The following SLC24A3 variants were observed in gnomAD, a reference collection of about 807,000 sequenced individuals.
SLC24A3 encodes sodium/potassium/calcium exchanger 3.
Under a neutral mutation model 75.8 loss-of-function variants are expected in SLC24A3, and 28 were observed. That is an observed-to-expected ratio of 0.37 (90% confidence interval 0.27 to 0.51). SLC24A3 has a LOEUF of 0.51. SLC24A3 is among the 20% of genes least tolerant of loss of function. The pLI is 0.94. For missense variants in SLC24A3, 663 were observed against 847.8 expected (o/e 0.78, Z 2.71); for synonymous variants, 372 against 334.1 (o/e 1.11, Z -1.24).
At position 19,212,899 on chromosome 20, in the gene SLC24A3, G is replaced by T. The variant is rs748428539; in HGVS notation, c.57G>T (p.Arg19=). The change falls in exon 1 of 17, where the codon CGG becomes CGT. Residue 19 remains arginine (R), a synonymous_variant. Transcript: ENST00000328041. ...RARRRRRRRR[R]RDLLLSQLCF... Reference sequence around the variant, plus strand: ...GTCGCCGCCGCCGCCGCCGCCGCCGGAGGGACCTTCTGCTGAGCCAGCTCT... The same window carrying T: ...GTCGCCGCCGCCGCCGCCGCCGCCGTAGGGACCTTCTGCTGAGCCAGCTCT... 40 of 1,329,642 alleles carry T rather than the reference G, an allele frequency of 3.0e-5. No homozygotes were observed. The highest frequency in any genetic ancestry group is 3.7e-5 in the Non-Finnish European group (38 of 1,035,536). 82.4% of individuals were successfully genotyped at this position (1,329,642 alleles called of 1,614,324 possible). A position where few individuals can be genotyped will look rare whatever the true frequency, so the allele number is the denominator to read the frequency against.
intron 2 of SLC24A3, among the ~76,000 whole-genome samples, chr20:19,361,023 T>C (rs976131227): frequency 1.1e-4 from 16 of 152,118 alleles, no homozygotes; most frequent in African/African-American, 3.9e-4. Flanking sequence ...GAGACGGGAT[T>C]TCACCGTGTT....
At chr20:19,285,567 T>TC (rs398121244) in intron 2 of SLC24A3, among the ~76,000 whole-genome samples, 5 of 148,234 alleles carry the variant, frequency 3.4e-5, no homozygotes, top group Admixed American at 6.9e-5. Flanking sequence ...TTTTTTTTTT[T>TC]CTACCTTCAG....
At chr20:19,685,015 G>A in intron 11 of SLC24A3, 85 bp from the exon 12 acceptor site, 2 of 1,488,922 alleles carry the variant, frequency 1.3e-6, no homozygotes, top group Admixed American at 2.3e-5. Context: ...CAGCTGCCAG[G>A]GAAAGATCCC....
chr20:19,659,253 G>A (rs1198068600), intron 7 of SLC24A3, among the ~76,000 whole-genome samples: 2 of 152,236 alleles, frequency 1.3e-5, no homozygotes, highest in African/African-American at 4.8e-5. Flanking sequence ...TGGCACAGCA[G>A]CGAGGTTCCT....
chr20:19,687,665 C>G (rs2032693819), intron 12 of SLC24A3, among the ~76,000 whole-genome samples: 1 of 152,220 alleles, frequency 6.6e-6, no homozygotes, highest in African/African-American at 2.4e-5. Context: ...GTGCACCCCT[C>G]CAGGGGACAA....
chr20:19,602,752 G>T (rs1406489159), intron 6 of SLC24A3, among the ~76,000 whole-genome samples: 1 of 152,128 alleles, frequency 6.6e-6, no homozygotes, highest in Non-Finnish European at 1.5e-5. Context: ...CCTGCTTATG[G>T]CTCTGTCCAG....
rs576152439 is a variant in SLC24A3 at position 19,525,399 on chromosome 20, C to T, written c.348+9835C>T. ...ACTTTGGATGATGGTCCCAGGAAGTCCACTATGGGGAGTGAGGTAGAGAAG... is the reference window on the plus strand; with the variant it reads ...ACTTTGGATGATGGTCCCAGGAAGTTCACTATGGGGAGTGAGGTAGAGAAG... On this transcript the variant is annotated intron_variant, in intron 3 of 16. Coordinates refer to ENST00000328041, the MANE Select transcript of SLC24A3 (RefSeq NM_020689.4). 2.0e-5 allele frequency among the ~76,000 whole-genome samples: 3 copies of T among 152,206 alleles called. No homozygotes were observed. In the South Asian group the frequency reaches 6.2e-4, roughly 32 times the overall value.
At chr20:19,691,625 G>A (rs1440838939) in intron 12 of SLC24A3, among the ~76,000 whole-genome samples, 1 of 152,152 alleles carries the variant, frequency 6.6e-6, no homozygotes, top group Admixed American at 6.5e-5. Flanking sequence ...CCAGGCCTTG[G>A]TGAACCTGGC....
At chr20:19,297,185 A>T (rs899940811) in intron 2 of SLC24A3, among the ~76,000 whole-genome samples, 6 of 152,206 alleles carry the variant, frequency 3.9e-5, no homozygotes, top group African/African-American at 1.4e-4. Flanking sequence ...TAGACTTCAA[A>T]GTAATTTCAG....
chr20:19,244,869 G>A (rs1982442324), intron 1 of SLC24A3, among the ~76,000 whole-genome samples: 1 of 152,186 alleles, frequency 6.6e-6, no homozygotes, highest in Non-Finnish European at 1.5e-5. Context: ...AGAGGAAGCT[G>A]AATACCCAAG....
chr20:19,590,293 A>T (rs1325843063), intron 6 of SLC24A3, among the ~76,000 whole-genome samples: 1 of 152,040 alleles, frequency 6.6e-6, no homozygotes, highest in African/African-American at 2.4e-5. Flanking sequence ...ACTCAGGCTG[A>T]TAAACACAGC....
chr20:19,271,664 G>A (rs1983334639), intron 1 of SLC24A3, among the ~76,000 whole-genome samples: 1 of 152,218 alleles, frequency 6.6e-6, no homozygotes, highest in Non-Finnish European at 1.5e-5. Flanking sequence ...GCCATAAAAG[G>A]AATGAAGTAA....
chr20:19,575,740 A>G (rs2031125959), intron 3 of SLC24A3, among the ~76,000 whole-genome samples: 1 of 152,194 alleles, frequency 6.6e-6, no homozygotes, highest in African/African-American at 2.4e-5. Flanking sequence ...AAGCATTTTC[A>G]GGAGTTCAAA....
intron 2 of SLC24A3, among the ~76,000 whole-genome samples, chr20:19,358,472 C>T (rs1985729599): frequency 6.6e-6 from 1 of 152,200 alleles, no homozygotes. Context: ...AAGTCATTAA[C>T]TGCCCTGCAT....
intron 2 of SLC24A3, among the ~76,000 whole-genome samples, chr20:19,467,679 G>A (rs1412721850): frequency 4.6e-5 from 7 of 151,888 alleles, no homozygotes; most frequent in African/African-American, 1.2e-4. Context: ...TCAGGAAGTC[G>A]AGACCAGCCT....
chr20:19,545,684 T>C (rs2030576944), intron 3 of SLC24A3, among the ~76,000 whole-genome samples: 1 of 152,170 alleles, frequency 6.6e-6, no homozygotes, highest in African/African-American at 2.4e-5. Context: ...CCTGCAGTAT[T>C]TTCCCAGGAC....
chr20:19,264,875 CTG>C (rs1699281164), intron 1 of SLC24A3, among the ~76,000 whole-genome samples: 1 of 152,164 alleles, frequency 6.6e-6, no homozygotes, highest in East Asian at 1.9e-4. Context: ...CAATGCATGT[CTG>C]AGCTTCCAGA....
At chr20:19,515,250 G>A (rs548873962) in intron 2 of SLC24A3, among the ~76,000 whole-genome samples, 2 of 152,314 alleles carry the variant, frequency 1.3e-5, no homozygotes, top group East Asian at 1.9e-4. Context: ...ATGGTATGAC[G>A]TGTTATGAAA....
At chr20:19,469,750 C>T (rs1008993052) in intron 2 of SLC24A3, among the ~76,000 whole-genome samples, 9 of 152,132 alleles carry the variant, frequency 5.9e-5, no homozygotes, top group East Asian at 1.9e-4. Flanking sequence ...ATGTCTGGGT[C>T]GGGGAAGAGT....
Sources: allele counts gnomAD v4.1 joint callset (sites outside exome capture counted in the v4.1 genomes callset), GRCh38; gene constraint gnomAD v4.1.1; transcripts MANE v1.5; gene names NCBI Gene and HGNC (gene_info 2026-07-23, HGNC 2026-07-21).